Variants in PTDSS1 observed in about 807,000 individuals in gnomAD.
PTDSS1 encodes the protein PSS-1.
Under a neutral mutation model 70.5 loss-of-function variants are expected in PTDSS1, and 45 were observed. The observed-to-expected ratio is 0.64, with a 90% CI of 0.50 to 0.82. The LOEUF is 0.82. PTDSS1 is among the 40% of genes least tolerant of loss of function. PTDSS1 has a pLI of 0.00. For missense variants in PTDSS1, 417 were observed against 586.1 expected (o/e 0.71, Z 2.98); for synonymous variants, 188 against 203.8 (o/e 0.92, Z 0.66).
In PTDSS1 at chr8:96,333,554, T is replaced by C; in HGVS notation, c.1410T>C (p.Val470=). ...CCAAGTCAAAAGTCACCAATGGCGT[T>C]GGAAAGAAATGAAAAACCCTGGTTA... ...RHSKSKVTNG[V]GKK Residue 470 remains valine, a synonymous_variant, in exon 13 of 13, where the codon GTT becomes GTC. Transcript: ENST00000517309. The C allele has an allele frequency of 6.2e-7, 1 of 1,607,910 alleles. No homozygotes were observed. The highest frequency in any genetic ancestry group is 8.5e-7 in the Non-Finnish European group (1 of 1,174,380).
At position 96,262,236 on chromosome 8, in the gene PTDSS1, G is replaced by A. The variant is rs1458738859; in HGVS notation, c.179+17G>A. ...CTTTACCAGGTGGGGCGGCCCAGCC[G>A]AGCGGGGGGCGCGTCCAAGGGCTAG... On this transcript the variant is annotated intron_variant, in intron 1 of 12. Transcript: ENST00000517309. The surrounding 1 kb of genome is among the most constrained non-coding windows in gnomAD (Gnocchi z 4.4). 4 of 1,606,790 alleles carry A rather than the reference G, an allele frequency of 2.5e-6. No individual in the cohort carries two copies. The highest frequency in any genetic ancestry group is 3.4e-6 in the Non-Finnish European group (4 of 1,175,740).
At position 96,333,629 on chromosome 8, in the gene PTDSS1, T is replaced by C. The variant is rs1224474561; in HGVS notation, c.*63T>C. On this transcript the variant is annotated 3_prime_UTR_variant, in exon 13 of 13. Transcript: ENST00000517309. Reference sequence around the variant, plus strand: ...GAACTGAGAGGGAAATGGAACTCATTTGGAACTCCCCGTGAGGAGGTCGAG... The same window carrying C: ...GAACTGAGAGGGAAATGGAACTCATCTGGAACTCCCCGTGAGGAGGTCGAG... 1 of 1,496,160 alleles carries C rather than the reference T, an allele frequency of 6.7e-7. No individual in the cohort carries two copies. Among genetic ancestry groups the C allele is most frequent in the Admixed American group, 1.7e-5 (1 of 59,620 alleles). The allele number at this position is 1,496,160 out of a possible 1,614,324, so 92.7% of individuals were successfully genotyped here.
chr8:96,272,892 G>C (rs984299829), intron 1 of PTDSS1, among the ~76,000 whole-genome samples: 1 of 152,092 alleles, frequency 6.6e-6, no homozygotes, highest in Admixed American at 6.5e-5. Context: ...CCTGGAAATT[G>C]GATGTTGAGC....
At chr8:96,273,422 C>A in intron 2 of PTDSS1, 32 bp downstream of exon 2, 1 of 1,498,616 alleles carries the variant, frequency 6.7e-7, no homozygotes, top group Non-Finnish European at 9.1e-7. Context: ...CACATTTCTC[C>A]TATATTGTGC....
intron 9 of PTDSS1, among the ~76,000 whole-genome samples, chr8:96,310,186 A>G (rs1292141417): frequency 8.3e-6 from 1 of 120,028 alleles, no homozygotes; most frequent in Non-Finnish European, 1.7e-5. Context: ...TTTTTTTTTG[A>G]GATGGAGTCT....
chr8:96,281,743 G>C (rs1166880283), intron 2 of PTDSS1, among the ~76,000 whole-genome samples: 1 of 152,164 alleles, frequency 6.6e-6, no homozygotes, highest in East Asian at 1.9e-4. Context: ...TTCTGTGAAA[G>C]TTCATAGGAA....
chr8:96,295,076 T>C, intron 4 of PTDSS1, 22 bp from the exon 5 acceptor site: 1 of 1,579,158 alleles, frequency 6.3e-7, no homozygotes, highest in Non-Finnish European at 8.6e-7. Context: ...TCACTAATTA[T>C]TCTCTTTTTT....
At chr8:96,267,266 A>G (rs1810500547) in intron 1 of PTDSS1, among the ~76,000 whole-genome samples, 1 of 152,186 alleles carries the variant, frequency 6.6e-6, no homozygotes, top group South Asian at 2.1e-4. Flanking sequence ...TAATTCAATT[A>G]ATTCAATTCA....
chr8:96,330,066 T>C (rs1811491819), intron 10 of PTDSS1, 147 bp from the exon 11 acceptor site: 3 of 709,770 alleles, frequency 4.2e-6, no homozygotes, highest in Non-Finnish European at 7.4e-6. Context: ...CCCCTTGAGG[T>C]CTGATCTCTG....
chr8:96,276,953 C>T (rs987865485), intron 2 of PTDSS1, among the ~76,000 whole-genome samples: 2 of 149,504 alleles, frequency 1.3e-5, no homozygotes, highest in African/African-American at 2.5e-5. Flanking sequence ...CTTCTCCTCC[C>T]GGGCACATAC....
intron 5 of PTDSS1, among the ~76,000 whole-genome samples, chr8:96,298,382 A>G (rs1586196406): frequency 1.3e-5 from 2 of 152,214 alleles, no homozygotes; most frequent in Non-Finnish European, 2.9e-5. Flanking sequence ...GTCTCTTTCC[A>G]GAGAACTCCC....
chr8:96,271,014 T>C (rs1196792844), intron 1 of PTDSS1, among the ~76,000 whole-genome samples: 3 of 152,202 alleles, frequency 2.0e-5, no homozygotes, highest in Non-Finnish European at 4.4e-5. Context: ...CCATGGCCAT[T>C]TATTTGTGGT....
chr8:96,283,620 CA>C, intron 2 of PTDSS1: 1 of 152,942 alleles, frequency 6.5e-6, no homozygotes, highest in Middle Eastern at 3.4e-3. Context: ...CTCTCTCACA[CA>C]CACACACACA....
chr8:96,332,478 C>A (rs1397106579), intron 12 of PTDSS1, among the ~76,000 whole-genome samples: 4 of 152,194 alleles, frequency 2.6e-5, no homozygotes, highest in Non-Finnish European at 5.9e-5. Context: ...CTCTGCTGAG[C>A]TGCTGGCCGC....
rs989495140 is a variant in PTDSS1, at chr8:96,334,005, T to C, written c.*439T>C. The C allele has an allele frequency of 7.7e-5, 34 of 443,204 alleles. No homozygotes were observed. In the Admixed American group the frequency reaches 1.2e-3, roughly 15 times the overall value. 27.5% of individuals were successfully genotyped at this position (443,204 alleles called of 1,614,324 possible). A position where few individuals can be genotyped will look rare whatever the true frequency, so the allele number is the denominator to read the frequency against. The stretch of plus-strand genomic sequence containing the variant: ...ATGAATCTACCTTTCCATTGATTGA[T>C]TTAAGTTCAGGCCACTTTTCTGTCT... On this transcript the variant is annotated 3_prime_UTR_variant, in exon 13 of 13. Coordinates refer to ENST00000517309, the MANE Select transcript of PTDSS1 (RefSeq NM_014754.3).
At chr8:96,303,268 T>C (rs1237955326) in intron 6 of PTDSS1, among the ~76,000 whole-genome samples, 1 of 152,172 alleles carries the variant, frequency 6.6e-6, no homozygotes, top group Non-Finnish European at 1.5e-5. Flanking sequence ...CTGTGATGTT[T>C]TCTCAATACG....
intron 7 of PTDSS1, among the ~76,000 whole-genome samples, chr8:96,305,374 G>T (rs1217539539): frequency 5.3e-5 from 8 of 152,178 alleles, no homozygotes; most frequent in Non-Finnish European, 1.5e-5. Context: ...TAATGAACCT[G>T]CCAGTCTATG....
intron 11 of PTDSS1, chr8:96,330,750 A>G (rs1009774759): frequency 6.4e-5 from 29 of 455,378 alleles, no homozygotes; most frequent in Non-Finnish European, 9.0e-5. Flanking sequence ...GTAGACGGTA[A>G]TATTTTTTTC....
chr8:96,307,089 C>T (rs1232531109), intron 8 of PTDSS1, among the ~76,000 whole-genome samples: 1 of 152,038 alleles, frequency 6.6e-6, no homozygotes, highest in Non-Finnish European at 1.5e-5. Flanking sequence ...AATGTGGGGC[C>T]CTAGAGGTGA....
Sources: allele counts gnomAD v4.1 joint callset (sites outside exome capture counted in the v4.1 genomes callset), GRCh38; gene constraint gnomAD v4.1.1; non-coding constraint Gnocchi (gnomAD v3.1); transcripts MANE v1.5; gene names NCBI Gene and HGNC (gene_info 2026-07-23, HGNC 2026-07-21).